The following MUC5AC variants were observed in gnomAD, a reference collection of about 807,000 sequenced individuals.
MUC5AC encodes the protein mucin 5AC, oligomeric mucus/gel-forming, also known as mucin-5AC.
In MUC5AC, 158 loss-of-function variants were observed where a neutral mutation model predicts 169.7. The observed-to-expected ratio is 0.93, with a 90% CI of 0.82 to 1.06. MUC5AC has a LOEUF of 1.06. Ranked by LOEUF, MUC5AC falls within the 50% of genes least tolerant of loss-of-function variation. The pLI, the probability that MUC5AC is intolerant of heterozygous loss-of-function variation, is 0.00. For missense variants in MUC5AC, 4,359 were observed against 3,089.9 expected (o/e 1.41, Z -9.74); for synonymous variants, 1,975 against 1,237.0 (o/e 1.60, Z -12.52).
chr11:1,174,601 G>GTCCCTCCAGCCGCCGA lies in MUC5AC; in HGVS notation c.2071_2072insTCCCTCCAGCCGCCGA (p.Gly691ValfsTer125). ...TGCCGCCAAGGGCGTGCAGCTCGGCGGCTGGAGGGACGGCGTCTGCAGTGA... is the reference window on the plus strand; with the variant it reads ...TGCCGCCAAGGGCGTGCAGCTCGGCGTCCCTCCAGCCGCCGAGCTGGAGGGACGGCGTCTGCAGTGA... On this transcript the variant is annotated frameshift_variant, in exon 17 of 49. Transcript: ENST00000621226. LOFTEE classifies it high-confidence loss of function. The GTCCCTCCAGCCGCCGA allele has an allele frequency of 7.3e-7, 1 of 1,369,486 alleles. No individual in the cohort carries two copies. The highest frequency in any genetic ancestry group is 1.0e-6 in the Non-Finnish European group (1 of 994,944). The allele number at this position is 1,369,486 out of a possible 1,614,324, so 84.8% of individuals were successfully genotyped here.
At chr11:1,180,877 G>C (rs1860801619) in intron 28 of MUC5AC, among the ~76,000 whole-genome samples, 1 of 152,124 alleles carries the variant, frequency 6.6e-6, no homozygotes, top group South Asian at 2.1e-4. Context: ...GAAAGTAATG[G>C]CTCCACTCTG....
rs749821020 is a variant in MUC5AC at position 1,198,893 on chromosome 11, C to T, written c.16193C>T (p.Ser5398Leu). Residue 5398 changes from serine (S) to leucine (L), a missense_variant, in exon 44 of 49, where the codon TCG becomes TTG. Transcript: ENST00000621226. ...TLYQPGAVVSSSLCETCRCEL... is the reference protein window; with the variant it reads ...TLYQPGAVVSLSLCETCRCEL... ...CCCCAGCCCGGCGCCGTGGTCTCCT[C>T]GAGCCTGTGCGAAACCTGCAGGTGT... 7 of 752,322 alleles carry T rather than the reference C, an allele frequency of 9.3e-6. No homozygotes were observed. Among genetic ancestry groups the T allele is most frequent in the Non-Finnish European group, 1.5e-5 (6 of 412,624 alleles). 46.6% of individuals were successfully genotyped at this position (752,322 alleles called of 1,614,324 possible). A position where few individuals can be genotyped will look rare whatever the true frequency, so the allele number is the denominator to read the frequency against.
chr11:1,170,485 CCACT>C lies in MUC5AC; in HGVS notation c.1870+1467_1870+1470del, dbSNP rs1212121392. On this transcript the variant is annotated intron_variant, in intron 15 of 48. Coordinates refer to ENST00000621226, the MANE Select transcript of MUC5AC (RefSeq NM_001304359.2). Reference sequence around the variant, plus strand: ...CCGACTCACCCATTCACCCACTCACCCACTCACTCACCCACTCACCGACTCAACC... The same window carrying C: ...CCGACTCACCCATTCACCCACTCACCCACTCACCCACTCACCGACTCAACC... Among the ~76,000 whole-genome samples the C allele has an allele frequency of 8.5e-5, 10 of 118,084 alleles. 1 individual carries two copies. Among genetic ancestry groups the C allele is most frequent in the Admixed American group, 6.8e-4 (8 of 11,756 alleles). The allele number at this position is 118,084 out of a possible 152,430, so 77.5% of individuals were successfully genotyped here. A position where few individuals can be genotyped will look rare whatever the true frequency, so the allele number is the denominator to read the frequency against.
At chr11:1,177,175 C>A (rs1320932055) in intron 22 of MUC5AC, 56 bp from the exon 23 acceptor site, 3 of 398,776 alleles carry the variant, frequency 7.5e-6, no homozygotes, top group Non-Finnish European at 1.3e-5. Context: ...GCCTCATCCT[C>A]CTTGCGGGAA....
intron 24 of MUC5AC, 100 bp downstream of exon 24, chr11:1,177,733 A>G (rs1860721561): frequency 2.5e-6 from 1 of 394,492 alleles, no homozygotes; most frequent in African/African-American, 2.1e-5. Flanking sequence ...AGACACAGAG[A>G]GAAACACAGA....
In MUC5AC at chr11:1,188,307, A is replaced by C. The variant is rs1861003027; in HGVS notation, c.10162A>C (p.Thr3388Pro). The C allele has an allele frequency of 1.4e-6, 1 of 696,790 alleles. No homozygotes were observed. The allele number at this position is 696,790 out of a possible 1,614,324, so 43.2% of individuals were successfully genotyped here. ...PTTSTTSAPT[T>P]STTSAPTTST... is the part of the protein sequence containing the mutation. The stretch of plus-strand genomic sequence containing the variant: ...AACCAGCACAACCTCTGCTCCCACA[A>C]CCAGCACAACTTCTGCCCCTACAAC... The change falls in exon 31 of 49, where the codon ACC (threonine) becomes CCC (proline). Residue 3388 changes from threonine to proline, a missense_variant. Thr to Pro is a conservative substitution (Grantham distance 38). Transcript: ENST00000621226.
rs769168161 is a variant in MUC5AC at position 1,191,969 on chromosome 11, C to T, written c.13824C>T (p.Ser4608=). 1.3e-6 allele frequency: 1 copy of T among 765,154 alleles called. No individual in the cohort carries two copies. The highest frequency in any genetic ancestry group is 1.7e-5 in the African/African-American group (1 of 59,154). 47.4% of individuals were successfully genotyped at this position (765,154 alleles called of 1,614,324 possible). A position where few individuals can be genotyped will look rare whatever the true frequency, so the allele number is the denominator to read the frequency against. ...TTSTTPVSKT[S]TSHLSVSKTT... is the part of the protein sequence containing the mutation. ...GCACAACCCCTGTTTCAAAGACCAG[C>T]ACAAGCCATCTTTCTGTATCCAAGA... Residue 4608 remains serine (S), a synonymous_variant, in exon 31 of 49, where the codon AGC becomes AGT. Transcript: ENST00000621226.
At position 1,194,685 on chromosome 11, in the gene MUC5AC, C is replaced by T; in HGVS notation, c.15190+15C>T. On this transcript the variant is annotated intron_variant, in intron 35 of 48. Transcript: ENST00000621226. ...GGGCCAGTGCGGTGAGGCCACAGGG[C>T]TCCCGGGCATCGTCTGGCATTCGCG... 1 of 735,918 alleles carries T rather than the reference C, an allele frequency of 1.4e-6. No individual in the cohort carries two copies. Among genetic ancestry groups the T allele is most frequent in the South Asian group, 1.4e-5 (1 of 71,386 alleles). The allele number at this position is 735,918 out of a possible 1,614,324, so 45.6% of individuals were successfully genotyped here. A position where few individuals can be genotyped will look rare whatever the true frequency, so the allele number is the denominator to read the frequency against.
chr11:1,170,045 C>A (rs1275133320), intron 15 of MUC5AC, among the ~76,000 whole-genome samples: 1 of 142,960 alleles, frequency 7.0e-6, no homozygotes, highest in African/African-American at 2.6e-5. Flanking sequence ...CATTCACTCA[C>A]CCATTGCCCA....
chr11:1,169,817 C>CTCACCCAT (rs1860445757), intron 15 of MUC5AC, among the ~76,000 whole-genome samples: 2 of 144,824 alleles, frequency 1.4e-5, no homozygotes, highest in East Asian at 2.1e-4. Flanking sequence ...CACTCACCCA[C>CTCACCCAT]TCACCCATTC....
In MUC5AC at chr11:1,161,914, C is replaced by A. The variant is rs370419512; in HGVS notation, c.219C>A (p.Asn73Lys). ...ATGCTGCTTCCACCGCAGCCTCCAA[C>A]CCGGCGCACAACGGGCGGGTGTGCA... ...LRTIPVVRASNPAHNGRVCST... is the reference protein window; with the variant it reads ...LRTIPVVRASKPAHNGRVCST... The change falls in exon 4 of 49, where the codon AAC (asparagine) becomes AAA (lysine). Residue 73 changes from asparagine to lysine, a missense_variant. Physicochemically the swap from Asn to Lys is moderately conservative, Grantham distance 94. Transcript: ENST00000621226. 1.2e-6 allele frequency: 2 copies of A among 1,611,532 alleles called. No homozygotes were observed. The highest frequency in any genetic ancestry group is 1.7e-6 in the Non-Finnish European group (2 of 1,179,458).
chr11:1,171,403 CCACTCACTCACCT>C (rs1860526793), intron 15 of MUC5AC, among the ~76,000 whole-genome samples: 1 of 116,356 alleles, frequency 8.6e-6, no homozygotes, highest in African/African-American at 3.3e-5. Flanking sequence ...ACCCATTCAT[CCACTCACTCACCT>C]CACTCACTCA....
chr11:1,175,929 ACACT>A (rs1458198771), intron 19 of MUC5AC, among the ~76,000 whole-genome samples: 19,170 of 125,640 alleles, frequency 0.15, 1,749 homozygotes, highest in Non-Finnish European at 0.17. Flanking sequence ...TCATGCACAC[ACACT>A]CATACTCATG....
chr11:1,199,991 A>G (rs1861382753), intron 48 of MUC5AC, 22 bp downstream of exon 48: 1 of 742,804 alleles, frequency 1.3e-6, no homozygotes. Flanking sequence ...GGCAGCAGGC[A>G]GGGAGACGCG....
In MUC5AC at chr11:1,191,119, C is replaced by T; in HGVS notation, c.12974C>T (p.Pro4325Leu). ...CCTGGAACTACTCCCAGCCCTGTTCCCACCACCAGCACAACCTCTGCTCCT... is the reference window on the plus strand; with the variant it reads ...CCTGGAACTACTCCCAGCCCTGTTCTCACCACCAGCACAACCTCTGCTCCT... ...SGPGTTPSPV[P>L]TTSTTSAPIT... Residue 4325 changes from proline to leucine, a missense_variant, in exon 31 of 49, where the codon CCC becomes CTC. Physicochemically the swap from Pro to Leu is moderately conservative, Grantham distance 98 (BLOSUM62 -3). Transcript: ENST00000621226. The T allele has an allele frequency of 1.4e-6, 1 of 697,432 alleles. No homozygotes were observed. Among genetic ancestry groups the T allele is most frequent in the East Asian group, 2.6e-5 (1 of 38,390 alleles). The allele number at this position is 697,432 out of a possible 1,614,324, so 43.2% of individuals were successfully genotyped here.
chr11:1,158,837 G>A (rs28493170), intron 1 of MUC5AC, among the ~76,000 whole-genome samples: 98 of 152,272 alleles, frequency 6.4e-4, no homozygotes, highest in African/African-American at 2.3e-3. Context: ...CAGGTCCCTC[G>A]CCCAGCCCTG....
chr11:1,197,536 C>A lies in MUC5AC; in HGVS notation c.15930C>A (p.Cys5310Ter), dbSNP rs1187268219. Residue 5310 changes from cysteine (C) to a stop codon, truncating the protein, a stop_gained, in exon 41 of 49, where the codon TGC (cysteine) becomes TGA (stop). Transcript: ENST00000621226. LOFTEE classifies it high-confidence loss of function. ...AGGCGGCCACGTGGACGCTGACCTG[C>A]CGACCCAAGCTCTGCCCGCTGCCCC... ...TCEAATWTLT[C>*]RPKLCPLPPA... The A allele has an allele frequency of 1.4e-6, 1 of 716,924 alleles. No homozygotes were observed. The highest frequency in any genetic ancestry group is 2.6e-5 in the East Asian group (1 of 38,306). The allele number at this position is 716,924 out of a possible 1,614,324, so 44.4% of individuals were successfully genotyped here.
In MUC5AC at chr11:1,164,338, TG is replaced by T; in HGVS notation, c.1003+20del. 6.2e-7 allele frequency: 1 copy of T among 1,611,882 alleles called. No homozygotes were observed. Among genetic ancestry groups the T allele is most frequent in the Non-Finnish European group, 8.5e-7 (1 of 1,179,736 alleles). On this transcript the variant is annotated intron_variant, in intron 8 of 48. Coordinates refer to ENST00000621226, the MANE Select transcript of MUC5AC (RefSeq NM_001304359.2). ...TTCTGCCGTGAGTGTCCCAGCCCCC[TG>T]TCCCCCAACCCCTTTGGCAGGGAGG...
intron 40 of MUC5AC, 105 bp downstream of exon 40, chr11:1,197,013 G>A (rs1391350745): frequency 7.3e-6 from 5 of 681,598 alleles, no homozygotes; most frequent in Admixed American, 4.2e-5. Flanking sequence ...CTCAGGGGTC[G>A]GGGTGTCCTC....
Sources: gnomAD v4.1 joint callset for allele counts (sites outside exome capture counted in the v4.1 genomes callset) on GRCh38, gnomAD v4.1.1 for gene constraint, MANE v1.5 for transcripts, NCBI Gene and HGNC (gene_info 2026-07-23, HGNC 2026-07-21) for gene names.